The following SPMIP2 variants were observed in gnomAD, a reference collection of about 807,000 sequenced individuals.
SPMIP2 encodes sperm microtubule inner protein 2, also known as protein SPMIP2.
the SPMIP2 span, among the ~76,000 whole-genome samples, chr4:158,921,797 T>C: frequency 6.6e-6 from 1 of 152,118 alleles, no homozygotes; most frequent in Non-Finnish European, 1.5e-5. Context: ...GGGGTGACAG[T>C]GTTCCTGAGC....
At chr4:159,078,492 T>G in the SPMIP2 span, among the ~76,000 whole-genome samples, 1 of 152,220 alleles carries the variant, frequency 6.6e-6, no homozygotes, top group Admixed American at 6.5e-5. Flanking sequence ...CAAGACTTCC[T>G]CTACTCAAAT....
the SPMIP2 span, among the ~76,000 whole-genome samples, chr4:159,037,663 C>T: frequency 0.18 from 26,533 of 151,316 alleles, 2,715 homozygotes; most frequent in African/African-American, 0.28. Context: ...CCCAGCTACT[C>T]GGGAGGCTTA....
chr4:158,920,494 TG>T, the SPMIP2 span, among the ~76,000 whole-genome samples: 2 of 152,104 alleles, frequency 1.3e-5, no homozygotes, highest in African/African-American at 4.8e-5. Flanking sequence ...AATGCATTCC[TG>T]GGGGGAGATC....
At chr4:159,007,650 T>G in the SPMIP2 span, 1 of 804,532 alleles carries the variant, frequency 1.2e-6, no homozygotes, top group South Asian at 1.3e-5. Context: ...GGCCAAGGCC[T>G]CCAAGGAGAC....
At chr4:158,983,306 G>A in the SPMIP2 span, among the ~76,000 whole-genome samples, 2 of 151,750 alleles carry the variant, frequency 1.3e-5, no homozygotes, top group African/African-American at 4.8e-5. Flanking sequence ...AGGAAATACA[G>A]AGAACGCCAC....
the SPMIP2 span, among the ~76,000 whole-genome samples, chr4:159,018,762 G>A: frequency 2.1e-4 from 32 of 152,190 alleles, 1 homozygote; most frequent in African/African-American, 6.3e-4. Flanking sequence ...GAAGTCAACA[G>A]GTGGTTTTGA....
At chr4:158,954,027 G>A in the SPMIP2 span, among the ~76,000 whole-genome samples, 1 of 152,206 alleles carries the variant, frequency 6.6e-6, no homozygotes, top group African/African-American at 2.4e-5. Flanking sequence ...GGACTTTTGG[G>A]TAATGATGAA....
chr4:159,057,460 G>GT, the SPMIP2 span, among the ~76,000 whole-genome samples: 1 of 152,162 alleles, frequency 6.6e-6, no homozygotes, highest in Admixed American at 6.5e-5. Context: ...TCCAAATTTA[G>GT]TACAAATTAA....
the SPMIP2 span, among the ~76,000 whole-genome samples, chr4:158,955,753 C>A: frequency 2.6e-4 from 39 of 150,734 alleles, no homozygotes; most frequent in East Asian, 6.8e-3. Context: ...CACTGGAGGC[C>A]AAAAAAAAGG....
At chr4:158,945,257 G>C in the SPMIP2 span, among the ~76,000 whole-genome samples, 2 of 152,058 alleles carry the variant, frequency 1.3e-5, no homozygotes, top group Non-Finnish European at 2.9e-5. Flanking sequence ...CAGCCTCTGT[G>C]CCTTCCCTCC....
chr4:159,029,445 A>T, the SPMIP2 span, among the ~76,000 whole-genome samples: 2 of 152,378 alleles, frequency 1.3e-5, 1 homozygote, highest in South Asian at 4.1e-4. Context: ...AGTATGTTAT[A>T]TATCAACTTT....
At chr4:159,068,449 G>A in the SPMIP2 span, among the ~76,000 whole-genome samples, 1 of 136,152 alleles carries the variant, frequency 7.3e-6, no homozygotes, top group Non-Finnish European at 1.5e-5. Flanking sequence ...TCAGGGGTGG[G>A]AATTGAACAA....
At chr4:159,060,643 G>A in the SPMIP2 span, among the ~76,000 whole-genome samples, 2 of 152,202 alleles carry the variant, frequency 1.3e-5, no homozygotes, top group Non-Finnish European at 2.9e-5. Context: ...GAGAGGCTTT[G>A]AGGTGGCCAG....
At chr4:159,068,952 T>A in the SPMIP2 span, among the ~76,000 whole-genome samples, 7 of 152,202 alleles carry the variant, frequency 4.6e-5, no homozygotes, top group Non-Finnish European at 8.8e-5. Context: ...TCTGAGCACA[T>A]CTTTCATCTC....
the SPMIP2 span, among the ~76,000 whole-genome samples, chr4:159,077,382 G>C: frequency 6.6e-6 from 1 of 152,074 alleles, no homozygotes; most frequent in African/African-American, 2.4e-5. Context: ...CCTGACCTCA[G>C]GTGATCTGCC....
At chr4:159,040,319 G>T in the SPMIP2 span, among the ~76,000 whole-genome samples, 2 of 151,788 alleles carry the variant, frequency 1.3e-5, no homozygotes, top group Admixed American at 1.3e-4. Flanking sequence ...TTACAGGCAC[G>T]TGCCACCATA....
chr4:159,046,584 T>G, the SPMIP2 span, among the ~76,000 whole-genome samples: 583 of 152,308 alleles, frequency 3.8e-3, 3 homozygotes, highest in African/African-American at 0.013. Flanking sequence ...TTGTTTGTTT[T>G]TTTACTGAGA....
the SPMIP2 span, chr4:159,026,511 T>TA: frequency 1.6e-6 from 1 of 630,594 alleles, no homozygotes; most frequent in Non-Finnish European, 2.9e-6. Context: ...CTCAGATCTA[T>TA]AAAAAAGTAG....
chr4:158,940,057 C>T, the SPMIP2 span, among the ~76,000 whole-genome samples: 1 of 152,152 alleles, frequency 6.6e-6, no homozygotes, highest in Non-Finnish European at 1.5e-5. Flanking sequence ...GTATCACAGA[C>T]AGGGTGGCTT....
Sources: allele counts gnomAD v4.1 joint callset (sites outside exome capture counted in the v4.1 genomes callset), GRCh38; gene constraint gnomAD v4.1.1; transcripts MANE v1.5; gene names NCBI Gene and HGNC (gene_info 2026-07-23, HGNC 2026-07-21).